SYN3: variants seen among roughly 807,000 people sequenced by gnomAD.
SYN3 encodes the protein synapsin III.
SYN3 carries 35 observed loss-of-function variants against 65.8 expected under a neutral mutation model. The ratio of observed to expected loss-of-function variants is 0.53; its 90% CI spans 0.41 to 0.70. SYN3 has a LOEUF of 0.70. Among genes scored for constraint, SYN3 ranks in the 30% least tolerant of loss-of-function variants. SYN3 has a pLI of 0.00. For synonymous variants in SYN3, 270 were observed against 292.9 expected (o/e 0.92, Z 0.80); for missense variants, 680 against 749.0 (o/e 0.91, Z 1.08).
Position 33,045,522 on chromosome 22 carries a change from C to A in SYN3, c.-163+12770G>T, listed in dbSNP as rs541778349. 4.0e-5 allele frequency among the ~76,000 whole-genome samples: 5 copies of A among 124,372 alleles called. No homozygotes were observed. The East Asian group carries it at 1.2e-3, about 31-fold the overall frequency. 81.6% of individuals were successfully genotyped at this position (124,372 alleles called of 152,430 possible). ...TCGCTCTGTCGCCCAGGCTGGAGTG[C>A]AGTGGCATGATCTCAGCTCACTGCA... On this transcript the variant is annotated intron_variant, in intron 1 of 13. Coordinates refer to ENST00000358763, the MANE Select transcript of SYN3 (RefSeq NM_003490.4).
chr22:32,541,365 C>A (rs377741969), intron 8 of SYN3, among the ~76,000 whole-genome samples: 3 of 152,220 alleles, frequency 2.0e-5, no homozygotes, highest in East Asian at 3.8e-4. Context: ...GAGGAAACAG[C>A]CCTTGCTTGG....
chr22:32,851,586 G>A (rs1012359819), intron 6 of SYN3, among the ~76,000 whole-genome samples: 1 of 152,156 alleles, frequency 6.6e-6, no homozygotes, highest in African/African-American at 2.4e-5. Context: ...GAATCATGGT[G>A]CTGGGAATTA....
rs943004462 is a variant in SYN3 at position 32,881,225 on chromosome 22, GGA to G, written c.462-12102_462-12101del. ...ACGGATGCTGGGGCAGTGGAGTGGA[GGA>G]GAGAGGAGTGGGGGAAGGGGAAAGC... On this transcript the variant is annotated intron_variant, in intron 4 of 13. Transcript: ENST00000358763. Among the ~76,000 whole-genome samples the G allele has an allele frequency of 5.8e-4, 88 of 152,344 alleles. 1 individual carries two copies. The highest frequency in any genetic ancestry group is 2.0e-3 in the African/African-American group (85 of 41,574).
chr22:32,606,004 C>T (rs2059367050), intron 6 of SYN3, among the ~76,000 whole-genome samples: 1 of 152,178 alleles, frequency 6.6e-6, no homozygotes, highest in Non-Finnish European at 1.5e-5. Context: ...AGATTTTGGT[C>T]ACTGAGGAGT....
At chr22:32,709,938 C>G (rs1398306646) in intron 6 of SYN3, among the ~76,000 whole-genome samples, 1 of 151,840 alleles carries the variant, frequency 6.6e-6, no homozygotes, top group Non-Finnish European at 1.5e-5. Flanking sequence ...ATTTAGGTTA[C>G]TTCCATTATT....
At chr22:32,814,366 A>AAAGG (rs2047033892) in intron 6 of SYN3, among the ~76,000 whole-genome samples, 5 of 89,610 alleles carry the variant, frequency 5.6e-5, no homozygotes, top group South Asian at 3.9e-4. Context: ...AGAAAGAAAG[A>AAAGG]AAGAAAGAGA....
chr22:32,677,756 G>A (rs191406846), intron 6 of SYN3, among the ~76,000 whole-genome samples: 3,329 of 151,914 alleles, frequency 0.022, 58 homozygotes, highest in South Asian at 0.056. Context: ...AGCCGACATC[G>A]CACCACTGCA....
At chr22:32,714,480 G>A (rs986454005) in intron 6 of SYN3, among the ~76,000 whole-genome samples, 1 of 152,164 alleles carries the variant, frequency 6.6e-6, no homozygotes, top group African/African-American at 2.4e-5. Flanking sequence ...ATGCCCAAGA[G>A]ATTCAGAAGT....
intron 6 of SYN3, among the ~76,000 whole-genome samples, chr22:32,651,861 G>A (rs1450583843): frequency 6.6e-6 from 1 of 152,166 alleles, no homozygotes; most frequent in African/African-American, 2.4e-5. Flanking sequence ...GTTCCACCAT[G>A]AGCCAATGTG....
chr22:32,511,016 T>TGTGTGTGTG lies in SYN3; in HGVS notation c.*2675_*2676insCACACACAC, dbSNP rs1256703339. On this transcript the variant is annotated 3_prime_UTR_variant, in exon 14 of 14. Coordinates refer to ENST00000358763, the MANE Select transcript of SYN3 (RefSeq NM_003490.4). ...GTGTGTGTGTGTGTGTGTGTGTGTG[T>TGTGTGTGTG]AAGGGGACTCCTAGAATCACTGGCT... Among the ~76,000 whole-genome samples, 3 of 108,602 alleles carry TGTGTGTGTG rather than the reference T, an allele frequency of 2.8e-5. No homozygotes were observed. Among genetic ancestry groups the TGTGTGTGTG allele is most frequent in the African/African-American group, 9.0e-5 (3 of 33,482 alleles). 71.2% of individuals were successfully genotyped at this position (108,602 alleles called of 152,430 possible).
In SYN3 at chr22:32,704,209, T is replaced by C. The variant is rs570772239; in HGVS notation, c.712-107473A>G. Among the ~76,000 whole-genome samples the C allele has an allele frequency of 2.0e-5, 3 of 152,256 alleles. No homozygotes were observed. In the South Asian group the frequency reaches 6.2e-4, roughly 32 times the overall value. ...TATGTTTATTCCTTCTGATTTTTTT[T>C]CCCTCCTCTCACTCTCCTGGCTCAA... is the stretch of plus-strand genomic sequence containing the variant. On this transcript the variant is annotated intron_variant, in intron 6 of 13. Transcript: ENST00000358763.
At chr22:32,932,183 T>G (rs139022608) in intron 3 of SYN3, among the ~76,000 whole-genome samples, 4 of 147,676 alleles carry the variant, frequency 2.7e-5, no homozygotes, top group African/African-American at 1.0e-4. Context: ...TGCTCTACAG[T>G]GGTATGGCAT....
At chr22:32,560,983 C>T (rs189425393) in intron 7 of SYN3, among the ~76,000 whole-genome samples, 43 of 152,232 alleles carry the variant, frequency 2.8e-4, no homozygotes, top group Admixed American at 2.1e-3. Flanking sequence ...AGGATGATTC[C>T]AAGGGCTTTG....
intron 1 of SYN3, among the ~76,000 whole-genome samples, chr22:33,018,490 G>A (rs1437846337): frequency 1.3e-5 from 2 of 152,196 alleles, no homozygotes; most frequent in Non-Finnish European, 2.9e-5. Flanking sequence ...TATAAGGCAA[G>A]TTTGCAAGCT....
intron 6 of SYN3, among the ~76,000 whole-genome samples, chr22:32,807,367 AT>A (rs2046781116): frequency 8.6e-6 from 1 of 116,508 alleles, no homozygotes; most frequent in Non-Finnish European, 1.6e-5. Flanking sequence ...TATATAATAT[AT>A]ATTATATATA....
intron 6 of SYN3, among the ~76,000 whole-genome samples, chr22:32,668,585 C>T (rs898379337): frequency 1.2e-4 from 18 of 152,032 alleles, no homozygotes; most frequent in African/African-American, 4.4e-4. Context: ...TTCCCTTCTT[C>T]CTTTGTTGTT....
At chr22:32,796,917 C>T (rs2046442858) in intron 6 of SYN3, among the ~76,000 whole-genome samples, 1 of 152,162 alleles carries the variant, frequency 6.6e-6, no homozygotes, top group Non-Finnish European at 1.5e-5. Flanking sequence ...TGTTGCTTCC[C>T]CAGAGAGCAT....
At chr22:32,955,069 C>G (rs1177208528) in intron 3 of SYN3, among the ~76,000 whole-genome samples, 1 of 151,126 alleles carries the variant, frequency 6.6e-6, no homozygotes, top group East Asian at 2.0e-4. Context: ...CCTTCTTGTT[C>G]TAGAACTACT....
At chr22:32,966,799 G>A (rs932623949) in intron 3 of SYN3, among the ~76,000 whole-genome samples, 5 of 152,154 alleles carry the variant, frequency 3.3e-5, no homozygotes, top group African/African-American at 4.8e-5. Flanking sequence ...ACCTGTCATC[G>A]CGGCTACCCA....
Sources: gnomAD v4.1 joint callset for allele counts (sites outside exome capture counted in the v4.1 genomes callset) on GRCh38, gnomAD v4.1.1 for gene constraint, MANE v1.5 for transcripts, NCBI Gene and HGNC (gene_info 2026-07-23, HGNC 2026-07-21) for gene names.